USH1C: variants seen among roughly 807,000 people sequenced by gnomAD.
The protein encoded by USH1C is USH1 protein network component harmonin, also known as harmonin.
In USH1C, 90 loss-of-function variants were observed where a neutral mutation model predicts 119.3. The ratio of observed to expected loss-of-function variants is 0.75; its 90% CI spans 0.64 to 0.90. The LOEUF (loss-of-function observed/expected upper bound fraction) is 0.90, where lower values mean the gene tolerates loss of function less well. Among genes scored for constraint, USH1C ranks in the 40% least tolerant of loss-of-function variants. USH1C has a pLI of 0.00. For synonymous variants in USH1C, 465 were observed against 443.3 expected (o/e 1.05, Z -0.62); for missense variants, 1,165 against 1,167.7 (o/e 1.00, Z 0.03).
rs1302419562 is a variant in USH1C, at chr11:17,531,775, A to T, written c.105-233T>A. 1.3e-5 allele frequency among the ~76,000 whole-genome samples: 2 copies of T among 152,224 alleles called. No individual in the cohort carries two copies. The highest frequency in any genetic ancestry group is 2.9e-5 in the Non-Finnish European group (2 of 68,042). ...TAGGGATTGTTGACTCATTTTGCAGATGAGATGAAGCCAGGATTTCAAACT... is the reference window on the plus strand; with the variant it reads ...TAGGGATTGTTGACTCATTTTGCAGTTGAGATGAAGCCAGGATTTCAAACT... On this transcript the variant is annotated intron_variant, in intron 2 of 26. Coordinates refer to ENST00000005226, the MANE Select transcript of USH1C (RefSeq NM_153676.4). This position sits in a 1 kb window ranked among gnomAD's most constrained non-coding sequence, Gnocchi z 4.2.
At position 17,531,246 on chromosome 11, in the gene USH1C, C is replaced by A. The variant is rs370054635; in HGVS notation, c.295G>T (p.Gly99Cys). ...TCCAGGCCACCACGCACACTCAGGC[C>A]GAGGCCTTCGGGGTGCAGACGGTCC... is the stretch of plus-strand genomic sequence containing the variant. ...RLDRLHPEGL[G>C]LSVRGGLEFG... is the part of the protein sequence containing the mutation. The change falls in exon 4 of 27, where the codon GGC becomes TGC. Residue 99 changes from glycine (G) to cysteine (C), a missense_variant. Coordinates refer to ENST00000005226, the MANE Select transcript of USH1C (RefSeq NM_153676.4). The surrounding 1 kb of genome is among the most constrained non-coding windows in gnomAD (Gnocchi z 4.2). The A allele has an allele frequency of 3.1e-6, 5 of 1,614,152 alleles. No homozygotes were observed. The Admixed American group carries it at 8.3e-5, about 27-fold the overall frequency.
intron 14 of USH1C, among the ~76,000 whole-genome samples, chr11:17,518,740 C>T (rs115727400): frequency 0.014 from 2,182 of 152,272 alleles, 57 homozygotes; most frequent in African/African-American, 0.05. Flanking sequence ...GGGCCCGGGG[C>T]CAGGCACAGT....
rs1169587689 is a variant in USH1C, at chr11:17,531,748, A to G, written c.105-206T>C. On this transcript the variant is annotated intron_variant, in intron 2 of 26. Coordinates refer to ENST00000005226, the MANE Select transcript of USH1C (RefSeq NM_153676.4). This position sits in a 1 kb window ranked among gnomAD's most constrained non-coding sequence, Gnocchi z 4.2. ...ATAAATATCCCCAGGAAACCAGTCT[A>G]CTAGGGATTGTTGACTCATTTTGCA... Among the ~76,000 whole-genome samples, 1 of 152,200 alleles carries G rather than the reference A, an allele frequency of 6.6e-6. No homozygotes were observed. Among genetic ancestry groups the G allele is most frequent in the Non-Finnish European group, 1.5e-5 (1 of 68,020 alleles).
intron 14 of USH1C, among the ~76,000 whole-genome samples, chr11:17,518,911 C>T (rs1353890581): frequency 1.3e-5 from 2 of 152,002 alleles, no homozygotes; most frequent in African/African-American, 2.4e-5. Flanking sequence ...CCCAGCTACT[C>T]GGGAGGCTTT....
chr11:17,540,837 T>C (rs1851435902), intron 1 of USH1C, among the ~76,000 whole-genome samples: 1 of 152,160 alleles, frequency 6.6e-6, no homozygotes, highest in African/African-American at 2.4e-5. Context: ...CTTGGGCCCC[T>C]CAGTGGATTC....
At position 17,544,407 on chromosome 11, in the gene USH1C, C is replaced by T. The variant is rs1327454404; in HGVS notation, c.-100G>A. ...CCGCGACCGCGACCGGGCCAGCCGC[C>T]CTCGGAGCTGGGGGCGGGGCCTGAG... On this transcript the variant is annotated 5_prime_UTR_variant, in exon 1 of 27. Coordinates refer to ENST00000005226, the MANE Select transcript of USH1C (RefSeq NM_153676.4). The T allele has an allele frequency of 6.4e-6, 10 of 1,560,138 alleles. No individual in the cohort carries two copies. The highest frequency in any genetic ancestry group is 7.0e-6 in the Non-Finnish European group (8 of 1,140,136).
chr11:17,505,992 G>A, intron 18 of USH1C, 43 bp from the exon 19 acceptor site: 4 of 1,613,734 alleles, frequency 2.5e-6, no homozygotes, highest in Non-Finnish European at 3.4e-6. Flanking sequence ...GGTCATGGTG[G>A]GGTGGCCAAG....
intron 23 of USH1C, among the ~76,000 whole-genome samples, chr11:17,499,422 A>G (rs1849357110): frequency 6.6e-6 from 1 of 152,212 alleles, no homozygotes; most frequent in Non-Finnish European, 1.5e-5. Flanking sequence ...GGGATGGGTG[A>G]CTTTCACCTT....
In USH1C at chr11:17,516,234, G is replaced by A. The variant is rs978889964; in HGVS notation, c.1260+7C>T. Reference sequence around the variant, plus strand: ...GCACACCAGCACAGCACCCAACCCTGTCCTACCTTCCGGATGGTTGGGAAT... The same window carrying A: ...GCACACCAGCACAGCACCCAACCCTATCCTACCTTCCGGATGGTTGGGAAT... On this transcript the variant is annotated splice_region_variant and intron_variant, in intron 15 of 26. Transcript: ENST00000005226. 1.9e-6 allele frequency: 3 copies of A among 1,613,572 alleles called. No individual in the cohort carries two copies. The African/African-American group carries it at 4.0e-5, about 22-fold the overall frequency.
chr11:17,535,125 G>A (rs1592032410), intron 1 of USH1C, among the ~76,000 whole-genome samples: 3 of 152,276 alleles, frequency 2.0e-5, no homozygotes. Context: ...CTAGCAGCAG[G>A]GGCGAGAAAT....
chr11:17,535,932 A>G (rs940493231), intron 1 of USH1C, among the ~76,000 whole-genome samples: 3 of 152,182 alleles, frequency 2.0e-5, no homozygotes, highest in Admixed American at 1.3e-4. Context: ...CTACGCCACG[A>G]TGACCATTGA....
Position 17,531,286 on chromosome 11 carries a change from C to T in USH1C, c.255G>A (p.Leu85=), listed in dbSNP as rs769870305. ...DQLTPRRSRK[L]KEVRLDRLHP... Reference sequence around the variant, plus strand: ...GCAGACGGTCCAGACGCACCTCCTTCAGCTTCCTGCCACACAGGAGAGGTC... The same window carrying T: ...GCAGACGGTCCAGACGCACCTCCTTTAGCTTCCTGCCACACAGGAGAGGTC... Residue 85 remains leucine, a synonymous_variant, in exon 4 of 27, where the codon CTG becomes CTA. Coordinates refer to ENST00000005226, the MANE Select transcript of USH1C (RefSeq NM_153676.4). The surrounding 1 kb of genome is among the most constrained non-coding windows in gnomAD (Gnocchi z 4.2). 67 of 1,614,066 alleles carry T rather than the reference C, an allele frequency of 4.2e-5. No homozygotes were observed.
rs747258230 is a variant in USH1C at position 17,494,302 on chromosome 11, T to A, written c.*30A>T. The stretch of plus-strand genomic sequence containing the variant: ...TCAAGGCTGATCCGAGGCTTTGTGT[T>A]CACGAGGTGGGGCCGGAGCTCACTG... On this transcript the variant is annotated 3_prime_UTR_variant, in exon 27 of 27. Coordinates refer to ENST00000005226, the MANE Select transcript of USH1C (RefSeq NM_153676.4). 6.2e-7 allele frequency: 1 copy of A among 1,604,622 alleles called. No homozygotes were observed. Among genetic ancestry groups the A allele is most frequent in the Non-Finnish European group, 8.5e-7 (1 of 1,175,308 alleles).
rs751998841 is a variant in USH1C, at chr11:17,501,509, C to T, written c.2253G>A (p.Lys751=). 3.5e-5 allele frequency: 57 copies of T among 1,613,106 alleles called. No individual in the cohort carries two copies. Among genetic ancestry groups the T allele is most frequent in the Non-Finnish European group, 4.7e-5 (56 of 1,179,674 alleles). Residue 751 remains lysine, a synonymous_variant, in exon 22 of 27, where the codon AAG becomes AAA. Transcript: ENST00000005226. ...TCTTGATGCGTAGGAGCCGGACATC[C>T]TTCCCCATGATCTGCTCTGGGGTGA... ...SMFTPEQIMG[K]DVRLLRIKKE...
intron 14 of USH1C, among the ~76,000 whole-genome samples, chr11:17,518,418 T>C (rs958743464): frequency 3.3e-5 from 5 of 152,206 alleles, no homozygotes; most frequent in Non-Finnish European, 7.3e-5. Flanking sequence ...AACATCTCCA[T>C]CTTTCAAGAA....
intron 1 of USH1C, 48 bp from the exon 2 acceptor site, chr11:17,533,370 C>CA (rs374928611): frequency 1.5e-6 from 2 of 1,366,800 alleles, no homozygotes; most frequent in African/African-American, 2.9e-5. Flanking sequence ...AGCACCCGCC[C>CA]CCATAGCAGA....
Position 17,509,714 on chromosome 11 carries a change from T to C in USH1C, c.1655A>G (p.Tyr552Cys). 1.9e-6 allele frequency: 3 copies of C among 1,599,928 alleles called. No homozygotes were observed. Among genetic ancestry groups the C allele is most frequent in the Non-Finnish European group, 2.5e-6 (3 of 1,179,318 alleles). The change falls in exon 18 of 27, where the codon TAC (tyrosine) becomes TGC (cysteine). Residue 552 changes from tyrosine (Y) to cysteine (C), a missense_variant. Coordinates refer to ENST00000005226, the MANE Select transcript of USH1C (RefSeq NM_153676.4). Reference protein sequence around the residue: ...DLDDIPLDMFYYPPKTPSALP... With the variant: ...DLDDIPLDMFCYPPKTPSALP... ...GGCAGAGGGAGTCTTGGGGGGATAG[T>C]AGAACATGTCCAAAGGGATGTCGTC...
At chr11:17,508,748 C>T (rs904377162) in intron 18 of USH1C, among the ~76,000 whole-genome samples, 3 of 152,152 alleles carry the variant, frequency 2.0e-5, no homozygotes, top group African/African-American at 4.8e-5. Context: ...ACTCTCTCAT[C>T]TTCATTTTTT....
At position 17,494,196 on chromosome 11, in the gene USH1C, A is replaced by T; in HGVS notation, c.*136T>A. ...GCTGTTCCTTATCTGGCCCTGGTTCAGGGCCAAAGGGAGTTTGAGATTCCT... is the reference window on the plus strand; with the variant it reads ...GCTGTTCCTTATCTGGCCCTGGTTCTGGGCCAAAGGGAGTTTGAGATTCCT... On this transcript the variant is annotated 3_prime_UTR_variant, in exon 27 of 27. Transcript: ENST00000005226. 1 of 1,145,568 alleles carries T rather than the reference A, an allele frequency of 8.7e-7. No individual in the cohort carries two copies. The highest frequency in any genetic ancestry group is 1.3e-6 in the Non-Finnish European group (1 of 780,552). The allele number at this position is 1,145,568 out of a possible 1,614,324, so 71.0% of individuals were successfully genotyped here. A position where few individuals can be genotyped will look rare whatever the true frequency, so the allele number is the denominator to read the frequency against.
Sources: gnomAD v4.1 joint callset for allele counts (sites outside exome capture counted in the v4.1 genomes callset) on GRCh38, gnomAD v4.1.1 for gene constraint, Gnocchi (gnomAD v3.1) non-coding constraint, MANE v1.5 for transcripts, NCBI Gene and HGNC (gene_info 2026-07-23, HGNC 2026-07-21) for gene names.